Variants in MSH3 observed in about 807,000 individuals in gnomAD.
MSH3 encodes DNA mismatch repair protein Msh3.
A neutral mutation model predicts 123.3 loss-of-function variants in MSH3; 106 were observed. The observed-to-expected ratio is 0.86, with a 90% CI of 0.73 to 1.01. The LOEUF is 1.01. Ranked by LOEUF, MSH3 falls within the 50% of genes least tolerant of loss-of-function variation. The pLI is 0.00. For synonymous variants in MSH3, 515 were observed against 481.4 expected, an observed-to-expected ratio of 1.07 and a Z score of -0.91; for missense variants, 1,459 against 1,347.6, an observed-to-expected ratio of 1.08 and a Z score of -1.29.
intron 20 of MSH3, among the ~76,000 whole-genome samples, chr5:80,834,965 C>T (rs1173438367): frequency 6.6e-6 from 1 of 152,142 alleles, no homozygotes; most frequent in Admixed American, 6.6e-5. Context: ...GTGGCTTGAC[C>T]TCTGAAATGT....
rs138284020 is a variant in MSH3, at chr5:80,852,775, G to A, written c.2814-1355G>A. 2.6e-4 allele frequency among the ~76,000 whole-genome samples: 39 copies of A among 152,276 alleles called. No individual in the cohort carries two copies. In the East Asian group the frequency reaches 7.5e-3, roughly 29 times the overall value. The stretch of plus-strand genomic sequence containing the variant: ...ATTCCATCTCCCTTGTTCTTATAGG[G>A]CTTCAGCCACACAGCTGGTTAAGGT... On this transcript the variant is annotated intron_variant, in intron 20 of 23. Coordinates refer to ENST00000265081, the MANE Select transcript of MSH3 (RefSeq NM_002439.5).
intron 8 of MSH3, among the ~76,000 whole-genome samples, chr5:80,710,973 T>C (rs1750845415): frequency 6.6e-6 from 1 of 152,230 alleles, no homozygotes; most frequent in East Asian, 1.9e-4. Context: ...ACAGAAGTAC[T>C]TTCCCATCAG....
rs1388527433 is a variant in MSH3 at position 80,654,699 on chromosome 5, T to G, written c.-29T>G. 6 of 1,574,630 alleles carry G rather than the reference T, an allele frequency of 3.8e-6. No individual in the cohort carries two copies. The highest frequency in any genetic ancestry group is 4.9e-5 in the East Asian group (2 of 40,508). ...CGGGCTCGCGCTCCTCGCCAGGCCC[T>G]GCCGCCGGGCTGCCATCCTTGCCCT... On this transcript the variant is annotated 5_prime_UTR_variant, in exon 1 of 24. Transcript: ENST00000265081.
chr5:80,687,425 T>C (rs943996782), intron 8 of MSH3, among the ~76,000 whole-genome samples: 2 of 152,314 alleles, frequency 1.3e-5, no homozygotes, highest in East Asian at 3.9e-4. Context: ...ACTTTTCAGG[T>C]GAATCAGGTG....
chr5:80,740,587 CTT>C (rs924949818), intron 10 of MSH3, among the ~76,000 whole-genome samples: 1 of 152,120 alleles, frequency 6.6e-6, no homozygotes, highest in African/African-American at 2.4e-5. Flanking sequence ...GTCTCCATCT[CTT>C]GACCTCGTGA....
chr5:80,733,797 G>T (rs368385018), intron 10 of MSH3, among the ~76,000 whole-genome samples: 18 of 152,038 alleles, frequency 1.2e-4, no homozygotes, highest in African/African-American at 4.3e-4. Flanking sequence ...CACTAGGATG[G>T]CTATAACTAG....
At chr5:80,668,362 C>G (rs912225822) in intron 3 of MSH3, among the ~76,000 whole-genome samples, 2 of 152,124 alleles carry the variant, frequency 1.3e-5, no homozygotes, top group Non-Finnish European at 2.9e-5. Context: ...CGGACCTGAC[C>G]CTTTCTGCTC....
rs71603568 is a variant in MSH3 at position 80,836,543 on chromosome 5, CAAAAAAAA to C, written c.2814-17571_2814-17564del. Among the ~76,000 whole-genome samples the C allele has an allele frequency of 1.0e-3, 121 of 118,794 alleles. 1 individual carries two copies. Among genetic ancestry groups the C allele is most frequent in the African/African-American group, 3.6e-3 (110 of 30,864 alleles). 77.9% of individuals were successfully genotyped at this position (118,794 alleles called of 152,430 possible). On this transcript the variant is annotated intron_variant, in intron 20 of 23. Coordinates refer to ENST00000265081, the MANE Select transcript of MSH3 (RefSeq NM_002439.5). ...TCACATCAGCTCTTTGAATATGCCACAAAAAAAAAAAAAAAAAAAAAAAGCTCTGAATT... is the reference window on the plus strand; with the variant it reads ...TCACATCAGCTCTTTGAATATGCCACAAAAAAAAAAAAAAAGCTCTGAATT...
At chr5:80,806,668 C>A (rs1357869289) in intron 19 of MSH3, among the ~76,000 whole-genome samples, 1 of 152,038 alleles carries the variant, frequency 6.6e-6, no homozygotes, top group African/African-American at 2.4e-5. Flanking sequence ...GTTCTCCCCT[C>A]CTATTCTCCT....
intron 4 of MSH3, among the ~76,000 whole-genome samples, chr5:80,671,695 T>TC (rs1749727668): frequency 6.6e-6 from 1 of 152,188 alleles, no homozygotes; most frequent in Non-Finnish European, 1.5e-5. Context: ...GTGGGCAATA[T>TC]CTAAGCCATG....
At chr5:80,718,713 A>G (rs1006521110) in intron 8 of MSH3, among the ~76,000 whole-genome samples, 4 of 151,772 alleles carry the variant, frequency 2.6e-5, no homozygotes, top group Non-Finnish European at 5.9e-5. Context: ...TGGGAGGCAT[A>G]TAATTATCTC....
At chr5:80,847,189 A>T (rs1388232265) in intron 20 of MSH3, among the ~76,000 whole-genome samples, 1 of 152,000 alleles carries the variant, frequency 6.6e-6, no homozygotes, top group Non-Finnish European at 1.5e-5. Flanking sequence ...CCTCCTGAGT[A>T]GCTGGGATTA....
chr5:80,792,767 A>G lies in MSH3; in HGVS notation c.2578A>G (p.Lys860Glu). ...ACAAGAAGAAAGAAAAATTGTAATA[A>G]AAAATGGAAGGCACCCTGTGATTGA... is the stretch of plus-strand genomic sequence containing the variant. ...TVQEERKIVIKNGRHPVIDVL... is the reference protein window; with the variant it reads ...TVQEERKIVIENGRHPVIDVL... The change falls in exon 19 of 24, where the codon AAA becomes GAA. Residue 860 changes from lysine to glutamate, a missense_variant. By Grantham distance (56) the Lys-to-Glu change is moderately conservative (BLOSUM62 1). Coordinates refer to ENST00000265081, the MANE Select transcript of MSH3 (RefSeq NM_002439.5). The G allele has an allele frequency of 6.2e-7, 1 of 1,613,392 alleles. No homozygotes were observed. The highest frequency in any genetic ancestry group is 8.5e-7 in the Non-Finnish European group (1 of 1,179,490).
intron 18 of MSH3, 98 bp from the exon 19 acceptor site, chr5:80,792,635 G>C: frequency 1.4e-6 from 1 of 705,892 alleles, no homozygotes; most frequent in East Asian, 2.8e-5. Flanking sequence ...GTTTTCTGTC[G>C]TACAAACAGA....
rs1446211002 is a variant in MSH3 at position 80,725,547 on chromosome 5, G to T, written c.1435G>T (p.Asp479Tyr). 1 of 1,612,398 alleles carries T rather than the reference G, an allele frequency of 6.2e-7. No homozygotes were observed. The highest frequency in any genetic ancestry group is 8.5e-7 in the Non-Finnish European group (1 of 1,178,610). ...FQAVTEFYAKDTVDIKGSQII... is the reference protein window; with the variant it reads ...FQAVTEFYAKYTVDIKGSQII... ...GGCAGTTACAGAGTTTTATGCAAAAGATACAGTTGACATCAAAGGTAAATA... is the reference window on the plus strand; with the variant it reads ...GGCAGTTACAGAGTTTTATGCAAAATATACAGTTGACATCAAAGGTAAATA... Residue 479 changes from aspartate to tyrosine, a missense_variant, in exon 9 of 24, where the codon GAT (aspartate) becomes TAT (tyrosine). Asp to Tyr is a radical substitution (Grantham distance 160). Transcript: ENST00000265081.
intron 8 of MSH3, among the ~76,000 whole-genome samples, chr5:80,688,551 T>C (rs950048993): frequency 6.6e-6 from 1 of 152,212 alleles, no homozygotes; most frequent in African/African-American, 2.4e-5. Flanking sequence ...CTTATTACTT[T>C]ATGTTATTGT....
intron 19 of MSH3, among the ~76,000 whole-genome samples, chr5:80,813,295 A>T (rs1745040823): frequency 6.6e-6 from 1 of 152,218 alleles, no homozygotes. Context: ...CAATAGGGAG[A>T]ATATGCACAT....
Position 80,876,151 on chromosome 5 carries a change from G to T in MSH3, c.*289G>T. On this transcript the variant is annotated 3_prime_UTR_variant, in exon 24 of 24. Coordinates refer to ENST00000265081, the MANE Select transcript of MSH3 (RefSeq NM_002439.5). ...TTAAGTGGCAGAATATAATTCCCAA[G>T]CTTTTGGAGGGTGATATAAAAATTT... 3.0e-6 allele frequency: 1 copy of T among 336,124 alleles called. No homozygotes were observed. The highest frequency in any genetic ancestry group is 7.2e-5 in the South Asian group (1 of 13,832). 20.8% of individuals were successfully genotyped at this position (336,124 alleles called of 1,614,324 possible).
At chr5:80,784,676 T>A (rs1044115209) in intron 17 of MSH3, among the ~76,000 whole-genome samples, 1 of 152,160 alleles carries the variant, frequency 6.6e-6, no homozygotes, top group Non-Finnish European at 1.5e-5. Flanking sequence ...TTGGACCCAT[T>A]AGCCATCCCC....
Sources: allele counts gnomAD v4.1 joint callset (sites outside exome capture counted in the v4.1 genomes callset), GRCh38; gene constraint gnomAD v4.1.1; transcripts MANE v1.5; gene names NCBI Gene and HGNC (gene_info 2026-07-23, HGNC 2026-07-21).